Variants in TMEM130 observed in about 807,000 individuals in gnomAD.
TMEM130 encodes transmembrane protein 130.
In TMEM130, 37 loss-of-function variants were observed where a neutral mutation model predicts 42.9. That is an observed-to-expected ratio of 0.86 (90% CI 0.66 to 1.13). The LOEUF is 1.13. TMEM130 is among the 50% of genes most tolerant of loss of function. The pLI, the probability that TMEM130 is intolerant of heterozygous loss-of-function variation, is 0.00. For synonymous variants in TMEM130, 259 were observed against 237.7 expected, an observed-to-expected ratio of 1.09 and a Z score of -0.82; for missense variants, 545 against 562.6, an observed-to-expected ratio of 0.97 and a Z score of 0.32.
chr7:98,850,430 A>G (rs1014541787), intron 6 of TMEM130, among the ~76,000 whole-genome samples: 1 of 151,136 alleles, frequency 6.6e-6, no homozygotes, highest in East Asian at 1.9e-4. Flanking sequence ...GACTCCCACC[A>G]CCACACCCAG....
In TMEM130 at chr7:98,855,331, G is replaced by A. The variant is rs1554398802; in HGVS notation, c.719-7C>T. On this transcript the variant is annotated splice_polypyrimidine_tract_variant and splice_region_variant and intron_variant, in intron 4 of 7. Coordinates refer to ENST00000339375, the MANE Select transcript of TMEM130 (RefSeq NM_152913.3). The stretch of plus-strand genomic sequence containing the variant: ...TGGATGCCTCGAAGGGTTTCTGTAA[G>A]GCAGAGAGAACCCCGTTAGACCTGG... The A allele has an allele frequency of 1.9e-6, 3 of 1,610,656 alleles. No individual in the cohort carries two copies. Among genetic ancestry groups the A allele is most frequent in the South Asian group, 2.2e-5 (2 of 90,458 alleles).
intron 2 of TMEM130, among the ~76,000 whole-genome samples, chr7:98,861,018 T>C (rs1365292821): frequency 6.7e-6 from 1 of 148,762 alleles, no homozygotes. Context: ...TATTTCAGAA[T>C]GTCAGGTGAC....
At chr7:98,860,079 A>AAG in intron 3 of TMEM130, 100 bp downstream of exon 3, 1 of 1,200,328 alleles carries the variant, frequency 8.3e-7, no homozygotes, top group Non-Finnish European at 1.1e-6. Flanking sequence ...AAAAAAAAAA[A>AAG]AAAAATTAAA....
At chr7:98,851,347 T>C (rs1269986962) in intron 6 of TMEM130, 74 bp downstream of exon 6, 13 of 1,464,408 alleles carry the variant, frequency 8.9e-6, no homozygotes, top group Non-Finnish European at 1.2e-5. Context: ...TAGGAGCGTA[T>C]TGGTGGTGGT....
chr7:98,861,293 G>A (rs1340149499), intron 2 of TMEM130, among the ~76,000 whole-genome samples: 1 of 151,672 alleles, frequency 6.6e-6, no homozygotes, highest in Non-Finnish European at 1.5e-5. Flanking sequence ...AGTCGAGATC[G>A]CGCCACTGCA....
chr7:98,862,699 C>T (rs1264149528), intron 2 of TMEM130, among the ~76,000 whole-genome samples: 2 of 152,058 alleles, frequency 1.3e-5, no homozygotes, highest in Admixed American at 1.3e-4. Flanking sequence ...GGGGTTTTGT[C>T]ATGCTGGCCA....
At chr7:98,866,682 G>T (rs1794916890) in intron 1 of TMEM130, 1 of 152,210 alleles carries the variant, frequency 6.6e-6, no homozygotes, top group Non-Finnish European at 1.5e-5. Flanking sequence ...TCACTTCAAA[G>T]CAACATCACC....
chr7:98,857,682 A>G (rs1794665151), intron 3 of TMEM130, among the ~76,000 whole-genome samples: 2 of 149,754 alleles, frequency 1.3e-5, no homozygotes, highest in Non-Finnish European at 3.0e-5. Flanking sequence ...CCTGGGCAAC[A>G]GAGCGAGACC....
chr7:98,848,013 C>T lies in TMEM130; in HGVS notation c.*43G>A. ...CACCACCCTGCTGGAAACTCCAAGTCAGCAGTCAGTTAACACTGAGATGGG... is the reference window on the plus strand; with the variant it reads ...CACCACCCTGCTGGAAACTCCAAGTTAGCAGTCAGTTAACACTGAGATGGG... On this transcript the variant is annotated 3_prime_UTR_variant, in exon 8 of 8. Coordinates refer to ENST00000339375, the MANE Select transcript of TMEM130 (RefSeq NM_152913.3). 6.3e-7 allele frequency: 1 copy of T among 1,579,908 alleles called. No homozygotes were observed. Among genetic ancestry groups the T allele is most frequent in the Middle Eastern group, 1.9e-4 (1 of 5,388 alleles).
Position 98,851,638 on chromosome 7 carries a change from G to A in TMEM130, c.804-15C>T, listed in dbSNP as rs540447753. The A allele has an allele frequency of 6.3e-7, 1 of 1,596,854 alleles. No homozygotes were observed. The highest frequency in any genetic ancestry group is 1.3e-5 in the African/African-American group (1 of 74,670). ...TCAGAGGAGGGCTGCAGGGAAATGGGGGCGGTTTTTAAGAAAAGGCTCAGC... is the reference window on the plus strand; with the variant it reads ...TCAGAGGAGGGCTGCAGGGAAATGGAGGCGGTTTTTAAGAAAAGGCTCAGC... On this transcript the variant is annotated splice_polypyrimidine_tract_variant and intron_variant, in intron 5 of 7. Coordinates refer to ENST00000339375, the MANE Select transcript of TMEM130 (RefSeq NM_152913.3).
chr7:98,848,257 A>G, intron 7 of TMEM130, 49 bp from the exon 8 acceptor site: 4 of 1,610,802 alleles, frequency 2.5e-6, no homozygotes, highest in Non-Finnish European at 3.4e-6. Flanking sequence ...ATGATGAACA[A>G]AATCCCACGG....
chr7:98,865,695 T>G (rs1157549465), intron 1 of TMEM130: 1 of 152,170 alleles, frequency 6.6e-6, no homozygotes, highest in Non-Finnish European at 1.5e-5. Context: ...TTTCACAAAT[T>G]TTCATTAGAT....
chr7:98,856,011 A>G lies in TMEM130; in HGVS notation c.718+6T>C. On this transcript the variant is annotated splice_donor_region_variant and intron_variant, in intron 4 of 7. Transcript: ENST00000339375. Reference sequence around the variant, plus strand: ...CCAGACTGCATCAGCCTGCCTGGACACCCACCCTGCAGCTTCAGCGAGGCG... The same window carrying G: ...CCAGACTGCATCAGCCTGCCTGGACGCCCACCCTGCAGCTTCAGCGAGGCG... The G allele has an allele frequency of 6.2e-7, 1 of 1,611,830 alleles. No individual in the cohort carries two copies. Among genetic ancestry groups the G allele is most frequent in the Non-Finnish European group, 8.5e-7 (1 of 1,179,864 alleles).
At chr7:98,860,090 G>T in intron 3 of TMEM130, 89 bp downstream of exon 3, 9 of 1,164,332 alleles carry the variant, frequency 7.7e-6, no homozygotes, top group Non-Finnish European at 9.1e-6. Flanking sequence ...AAAAATTAAA[G>T]GTGAAGAGAT....
At chr7:98,861,216 T>C (rs1399240713) in intron 2 of TMEM130, among the ~76,000 whole-genome samples, 4 of 151,852 alleles carry the variant, frequency 2.6e-5, no homozygotes, top group African/African-American at 4.8e-5. Context: ...CGGGCACCTG[T>C]AGTCCCAGCT....
At chr7:98,854,950 C>T (rs1794592972) in intron 5 of TMEM130, among the ~76,000 whole-genome samples, 1 of 152,184 alleles carries the variant, frequency 6.6e-6, no homozygotes, top group African/African-American at 2.4e-5. Context: ...TCAGGATAAT[C>T]GCTTGAACCA....
chr7:98,863,295 G>A lies in TMEM130; in HGVS notation c.191C>T (p.Pro64Leu), dbSNP rs1554400134. ...GAAGCGGTAGAGGTGGGCGTCAGCGGGCAGGGCCAGGCTGCCGTTGTCCTT... is the reference window on the plus strand; with the variant it reads ...GAAGCGGTAGAGGTGGGCGTCAGCGAGCAGGGCCAGGCTGCCGTTGTCCTT... ...VAKDNGSLALPADAHLYRFHW... is the reference protein window; with the variant it reads ...VAKDNGSLALLADAHLYRFHW... The change falls in exon 2 of 8, where the codon CCC becomes CTC. Residue 64 changes from proline (P) to leucine (L), a missense_variant. Coordinates refer to ENST00000339375, the MANE Select transcript of TMEM130 (RefSeq NM_152913.3). 1.9e-6 allele frequency: 3 copies of A among 1,613,350 alleles called. No individual in the cohort carries two copies. The highest frequency in any genetic ancestry group is 2.5e-6 in the Non-Finnish European group (3 of 1,179,960).
chr7:98,850,676 A>G (rs138300659), intron 6 of TMEM130, among the ~76,000 whole-genome samples: 160 of 152,100 alleles, frequency 1.1e-3, no homozygotes, highest in African/African-American at 3.7e-3. Flanking sequence ...AGCCTCCCAG[A>G]GTCCTGGGAG....
In TMEM130 at chr7:98,851,663, C is replaced by CAAAGCATGTCAGCA. The variant is rs1794509615; in HGVS notation, c.804-54_804-41dup. The CAAAGCATGTCAGCA allele has an allele frequency of 4.5e-6, 7 of 1,540,086 alleles. No homozygotes were observed. The South Asian group carries it at 8.6e-5, about 19-fold the overall frequency. On this transcript the variant is annotated intron_variant, in intron 5 of 7. Transcript: ENST00000339375. Reference sequence around the variant, plus strand: ...GGGCGGTTTTTAAGAAAAGGCTCAGCAAAGCATGTCAGCACAGACCAAGTC... The same window carrying CAAAGCATGTCAGCA: ...GGGCGGTTTTTAAGAAAAGGCTCAGCAAAGCATGTCAGCAAAAGCATGTCAGCACAGACCAAGTC...
Sources: allele counts gnomAD v4.1 joint callset (sites outside exome capture counted in the v4.1 genomes callset), GRCh38; gene constraint gnomAD v4.1.1; transcripts MANE v1.5; gene names NCBI Gene and HGNC (gene_info 2026-07-23, HGNC 2026-07-21).